The following SMG1 variants were observed in gnomAD, a reference collection of about 807,000 sequenced individuals.
SMG1 encodes the protein serine/threonine-protein kinase SMG1.
A neutral mutation model predicts 419.9 loss-of-function variants in SMG1; 22 were observed. The ratio of observed to expected loss-of-function variants is 0.05; its 90% confidence interval spans 0.04 to 0.07. SMG1 has a LOEUF of 0.07. SMG1 is among the 10% of genes least tolerant of loss of function. The pLI is 1.00. For synonymous variants in SMG1, 1,538 were observed against 1,553.5 expected, an observed-to-expected ratio of 0.99 and a Z score of 0.23; for missense variants, 3,185 against 4,342.0, an observed-to-expected ratio of 0.73 and a Z score of 7.49.
intron 25 of SMG1, 133 bp from the exon 26 acceptor site, chr16:18,860,909 C>T (rs1317029525): frequency 1.4e-5 from 7 of 496,972 alleles, no homozygotes; most frequent in Non-Finnish European, 2.1e-5. Flanking sequence ...ATTCCTTCCA[C>T]GAGGATGCCA....
Position 18,807,649 on chromosome 16 carries a change from A to G in SMG1, c.*1920T>C, listed in dbSNP as rs1472590449. 1 of 152,178 alleles carries G rather than the reference A, an allele frequency of 6.6e-6. No individual in the cohort carries two copies. The highest frequency in any genetic ancestry group is 1.9e-4 in the East Asian group (1 of 5,198). 9.4% of individuals were successfully genotyped at this position (152,178 alleles called of 1,614,324 possible). On this transcript the variant is annotated 3_prime_UTR_variant, in exon 63 of 63. Coordinates refer to ENST00000446231, the MANE Select transcript of SMG1 (RefSeq NM_015092.5). ...CAAAAAAGGCCCAGAGCTATGTGGA[A>G]TTTTTTCCTTAATACCTTTCAAGTT...
chr16:18,819,688 A>G (rs1450002786), intron 55 of SMG1, 34 bp from the exon 56 acceptor site: 1 of 1,493,832 alleles, frequency 6.7e-7, no homozygotes, highest in Non-Finnish European at 8.9e-7. Flanking sequence ...GTGAAGGTAT[A>G]TGACATTCTC....
intron 35 of SMG1, 68 bp from the exon 36 acceptor site, chr16:18,849,446 T>A: frequency 7.0e-7 from 1 of 1,434,682 alleles, no homozygotes; most frequent in Non-Finnish European, 9.6e-7. Context: ...ATCAGCATCG[T>A]AGATCAAACA....
chr16:18,901,509 T>A (rs1172576398), intron 1 of SMG1, among the ~76,000 whole-genome samples: 4 of 152,224 alleles, frequency 2.6e-5, no homozygotes, highest in African/African-American at 4.8e-5. Context: ...TGACCACATC[T>A]GGACTGTCAC....
At chr16:18,913,106 T>C (rs935343910) in intron 1 of SMG1, among the ~76,000 whole-genome samples, 1 of 152,150 alleles carries the variant, frequency 6.6e-6, no homozygotes, top group African/African-American at 2.4e-5. Context: ...AAAAGCCTAA[T>C]GATTTCCTCA....
At chr16:18,859,205 A>T (rs1442196287) in intron 27 of SMG1, 24 bp from the exon 28 acceptor site, 29 of 1,514,170 alleles carry the variant, frequency 1.9e-5, no homozygotes, top group Non-Finnish European at 2.5e-5. Flanking sequence ...TTTACTGCCA[A>T]TTAATAAAAA....
chr16:18,921,896 CTT>C (rs534603506), intron 1 of SMG1, among the ~76,000 whole-genome samples: 2 of 152,196 alleles, frequency 1.3e-5, no homozygotes, highest in South Asian at 4.1e-4. Flanking sequence ...ATTGGAAGGT[CTT>C]TTTATTATAC....
At chr16:18,842,657 T>G (rs2033991257) in intron 39 of SMG1, among the ~76,000 whole-genome samples, 1 of 152,224 alleles carries the variant, frequency 6.6e-6, no homozygotes, top group South Asian at 2.1e-4. Context: ...AAACCCCATC[T>G]CTACAAAGAA....
At chr16:18,841,893 C>A in intron 40 of SMG1, 99 bp from the exon 41 acceptor site, 1 of 1,013,896 alleles carries the variant, frequency 9.9e-7, no homozygotes, top group Non-Finnish European at 1.5e-6. Flanking sequence ...CAAAAACTGA[C>A]AGTCCATGAG....
intron 1 of SMG1, among the ~76,000 whole-genome samples, chr16:18,923,866 T>C (rs936660723): frequency 1.2e-4 from 19 of 152,260 alleles, no homozygotes; most frequent in Middle Eastern, 3.4e-3. Context: ...CAGAATCACC[T>C]CAAATTTAAC....
rs1420922577 is a variant in SMG1 at position 18,891,059 on chromosome 16, T to C, written c.550-138A>G. 8.0e-6 allele frequency: 5 copies of C among 628,584 alleles called. No individual in the cohort carries two copies. The African/African-American group carries it at 9.2e-5, about 12-fold the overall frequency. 38.9% of individuals were successfully genotyped at this position (628,584 alleles called of 1,614,324 possible). On this transcript the variant is annotated intron_variant, in intron 4 of 62. Transcript: ENST00000446231. Reference sequence around the variant, plus strand: ...TTTCTTTATTATTCCCACTCCCCAATGAGCATGTATCAGGAATGTCATGTT... The same window carrying C: ...TTTCTTTATTATTCCCACTCCCCAACGAGCATGTATCAGGAATGTCATGTT...
At chr16:18,838,916 A>T (rs1028334502) in intron 42 of SMG1, among the ~76,000 whole-genome samples, 2 of 152,074 alleles carry the variant, frequency 1.3e-5, no homozygotes, top group Admixed American at 1.3e-4. Context: ...ATGCTGGATT[A>T]AAAAAAACAC....
chr16:18,820,090 C>A (rs1480157664), intron 55 of SMG1, among the ~76,000 whole-genome samples: 3 of 152,096 alleles, frequency 2.0e-5, no homozygotes, highest in Non-Finnish European at 2.9e-5. Context: ...CTCAGCCTCC[C>A]GAGTAGCTGG....
rs45516593 is a variant in SMG1, at chr16:18,866,756, G to C, written c.3215C>G (p.Thr1072Ser). 5 of 1,597,026 alleles carry C rather than the reference G, an allele frequency of 3.1e-6. No homozygotes were observed. Among genetic ancestry groups the C allele is most frequent in the Non-Finnish European group, 4.2e-6 (5 of 1,179,518 alleles). The change falls in exon 23 of 63, where the codon ACC becomes AGC. Residue 1072 changes from threonine (T) to serine (S), a missense_variant. By Grantham distance (58) the Thr-to-Ser change is moderately conservative. Around this residue, in one of 27 missense-constraint regions of SMG1, gnomAD observed 70 missense variants for 185.7 expected, o/e 0.38. Coordinates refer to ENST00000446231, the MANE Select transcript of SMG1 (RefSeq NM_015092.5). Reference protein sequence around the residue: ...SLSQGNELEVTIMMVVEALCE... With the variant: ...SLSQGNELEVSIMMVVEALCE... ...TAATGCTTCTACCACCATCATAATG[G>C]TTACTTCCAATTCATTCCCCTGAAA...
intron 1 of SMG1, among the ~76,000 whole-genome samples, chr16:18,907,296 G>A (rs1240953533): frequency 4.0e-5 from 6 of 151,712 alleles, no homozygotes; most frequent in African/African-American, 7.2e-5. Flanking sequence ...AAAAAAAATC[G>A]TTTATGCCAA....
Position 18,830,058 on chromosome 16 carries a change from T to C in SMG1, c.9001A>G (p.Arg3001Gly). The change falls in exon 53 of 63, where the codon AGG (arginine) becomes GGG (glycine). Residue 3001 changes from arginine to glycine, a missense_variant. Arg to Gly is a moderately radical substitution (Grantham distance 125). Coordinates refer to ENST00000446231, the MANE Select transcript of SMG1 (RefSeq NM_015092.5). Reference protein sequence around the residue: ...WRKIDIIREARSTQVNFFDDD... With the variant: ...WRKIDIIREAGSTQVNFFDDD... The stretch of plus-strand genomic sequence containing the variant: ...TCAAAAAAATTAACTTGAGTACTCC[T>C]GGCTTCCCTTATGATGTCAATCTTT... The C allele has an allele frequency of 1.2e-6, 2 of 1,604,614 alleles. No homozygotes were observed. The highest frequency in any genetic ancestry group is 1.7e-6 in the Non-Finnish European group (2 of 1,174,914).
At chr16:18,895,677 T>C (rs1239053268) in intron 3 of SMG1, among the ~76,000 whole-genome samples, 1 of 149,274 alleles carries the variant, frequency 6.7e-6, no homozygotes, top group Non-Finnish European at 1.5e-5. Flanking sequence ...ACACGTACCC[T>C]GAACTTAAAA....
chr16:18,876,588 T>A (rs1339862901), intron 12 of SMG1, among the ~76,000 whole-genome samples, 195 bp from the exon 13 acceptor site: 1 of 151,922 alleles, frequency 6.6e-6, no homozygotes, highest in African/African-American at 2.4e-5. Context: ...GTATGCTATT[T>A]CAAGTCTATA....
intron 8 of SMG1, 93 bp downstream of exon 8, chr16:18,884,997 T>C: frequency 1.5e-6 from 1 of 649,694 alleles, no homozygotes; most frequent in Non-Finnish European, 2.7e-6. Context: ...TTTTCTTGCA[T>C]TATTAAAGAA....
Sources: allele counts gnomAD v4.1 joint callset (sites outside exome capture counted in the v4.1 genomes callset), GRCh38; gene constraint gnomAD v4.1.1; regional missense constraint gnomAD v4.1.1; transcripts MANE v1.5; gene names NCBI Gene and HGNC (gene_info 2026-07-23, HGNC 2026-07-21).